The following CEP126 variants were observed in gnomAD, a reference collection of about 807,000 sequenced individuals.
CEP126 encodes the protein centrosomal protein 126.
CEP126 carries 74 observed loss-of-function variants against 107.8 expected under a neutral mutation model. The observed-to-expected ratio is 0.69, with a 90% CI of 0.57 to 0.83. The LOEUF is 0.83. Among genes scored for constraint, CEP126 ranks in the 40% least tolerant of loss-of-function variants. CEP126 has a pLI of 0.00. For synonymous variants in CEP126, 449 were observed against 446.0 expected (o/e 1.01, Z -0.08); for missense variants, 1,237 against 1,281.9 (o/e 0.96, Z 0.53).
intron 2 of CEP126, among the ~76,000 whole-genome samples, chr11:101,927,187 A>C (rs1341233784): frequency 6.6e-6 from 1 of 152,180 alleles, no homozygotes; most frequent in Non-Finnish European, 1.5e-5. Context: ...CTGTAATCCC[A>C]GCTATTCAGG....
chr11:101,934,299 T>TAATG (rs1285053370), intron 2 of CEP126, among the ~76,000 whole-genome samples: 1 of 152,086 alleles, frequency 6.6e-6, no homozygotes, highest in African/African-American at 2.4e-5. Context: ...TCATCCAACC[T>TAATG]AATGGTCTGT....
chr11:101,968,600 A>G (rs1164111677), intron 6 of CEP126, among the ~76,000 whole-genome samples: 1 of 152,224 alleles, frequency 6.6e-6, no homozygotes, highest in East Asian at 1.9e-4. Context: ...ATGAAATAAT[A>G]TGCCTGGAAA....
intron 2 of CEP126, among the ~76,000 whole-genome samples, chr11:101,929,518 G>A (rs964359450): frequency 6.6e-6 from 1 of 152,016 alleles, no homozygotes; most frequent in Non-Finnish European, 1.5e-5. Context: ...AGCTTCTCAC[G>A]TGGTCTCCAT....
chr11:101,923,444 T>TA lies in CEP126; in HGVS notation c.248+684_248+685insA, dbSNP rs1433137351. On this transcript the variant is annotated intron_variant, in intron 2 of 10. Transcript: ENST00000263468. ...AGCAGTTATGCCATTTTTTAATTGT[T>TA]GTTTTTGCTACCTTGTCCATATTTC... is the stretch of plus-strand genomic sequence containing the variant. 2.6e-5 allele frequency among the ~76,000 whole-genome samples: 4 copies of TA among 152,332 alleles called. No individual in the cohort carries two copies. The East Asian group carries it at 7.7e-4, about 29-fold the overall frequency.
At chr11:101,944,611 T>C (rs1940711538) in intron 3 of CEP126, among the ~76,000 whole-genome samples, 1 of 152,204 alleles carries the variant, frequency 6.6e-6, no homozygotes, top group Non-Finnish European at 1.5e-5. Flanking sequence ...GCACTATTAC[T>C]AAATTCTGAA....
intron 7 of CEP126, among the ~76,000 whole-genome samples, chr11:101,980,317 AT>A (rs1459983325): frequency 2.0e-5 from 3 of 152,018 alleles, no homozygotes; most frequent in African/African-American, 7.2e-5. Flanking sequence ...TTTTTTCCTT[AT>A]TTTCATTAAT....
chr11:101,949,160 T>C (rs1394030072), intron 4 of CEP126, among the ~76,000 whole-genome samples: 1 of 152,176 alleles, frequency 6.6e-6, no homozygotes, highest in Middle Eastern at 3.2e-3. Flanking sequence ...TGATATACTC[T>C]AGGAGTAAGA....
intron 6 of CEP126, among the ~76,000 whole-genome samples, chr11:101,964,127 G>T (rs969770742): frequency 1.1e-4 from 17 of 150,134 alleles, no homozygotes; most frequent in African/African-American, 4.2e-4. Context: ...CTAACATAGC[G>T]AAATCCCATC....
rs998366339 is a variant in CEP126, at chr11:101,999,034, A to G, written c.*1391A>G. 2 of 152,320 alleles carry G rather than the reference A, an allele frequency of 1.3e-5. No homozygotes were observed. The highest frequency in any genetic ancestry group is 1.9e-4 in the East Asian group (1 of 5,192). 9.4% of individuals were successfully genotyped at this position (152,320 alleles called of 1,614,324 possible). A position where few individuals can be genotyped will look rare whatever the true frequency, so the allele number is the denominator to read the frequency against. ...AGAAATTAGTGAAAAAATTGACCTAATGAAGGAAACATTTGTGCTTTCCTA... is the reference window on the plus strand; with the variant it reads ...AGAAATTAGTGAAAAAATTGACCTAGTGAAGGAAACATTTGTGCTTTCCTA... On this transcript the variant is annotated 3_prime_UTR_variant, in exon 11 of 11. Coordinates refer to ENST00000263468, the MANE Select transcript of CEP126 (RefSeq NM_020802.4).
intron 10 of CEP126, among the ~76,000 whole-genome samples, chr11:101,995,927 G>A (rs1183601831): frequency 6.6e-6 from 1 of 152,156 alleles, no homozygotes; most frequent in East Asian, 1.9e-4. Flanking sequence ...AATACATCAT[G>A]AGCACAAAAT....
chr11:101,978,358 A>G lies in CEP126; in HGVS notation c.2857A>G (p.Met953Val). The G allele has an allele frequency of 6.2e-7, 1 of 1,611,600 alleles. No individual in the cohort carries two copies. The highest frequency in any genetic ancestry group is 1.1e-5 in the South Asian group (1 of 91,004). ...QNKRATGSTV[M>V]RRKRIAETKR... Reference sequence around the variant, plus strand: ...GGCATTTGTTTAAGGGTCTACTGTTATGAGAAGAAAACGAATTGCTGAAAC... The same window carrying G: ...GGCATTTGTTTAAGGGTCTACTGTTGTGAGAAGAAAACGAATTGCTGAAAC... The change falls in exon 7 of 11, where the codon ATG (methionine) becomes GTG (valine). Residue 953 changes from methionine to valine, a missense_variant. This residue lies in a region of CEP126 where 1,134 missense variants were observed against 1,150.5 expected (regional missense o/e 0.99). Coordinates refer to ENST00000263468, the MANE Select transcript of CEP126 (RefSeq NM_020802.4).
At chr11:101,948,341 A>G (rs1446427286) in intron 4 of CEP126, among the ~76,000 whole-genome samples, 199 bp downstream of exon 4, 1 of 152,154 alleles carries the variant, frequency 6.6e-6, no homozygotes, top group African/African-American at 2.4e-5. Context: ...GTTGTCTTAA[A>G]GTCCTTGGTA....
chr11:101,997,886 C>G lies in CEP126; in HGVS notation c.*243C>G. 1 of 489,448 alleles carries G rather than the reference C, an allele frequency of 2.0e-6. No individual in the cohort carries two copies. The highest frequency in any genetic ancestry group is 3.6e-6 in the Non-Finnish European group (1 of 274,096). 30.3% of individuals were successfully genotyped at this position (489,448 alleles called of 1,614,324 possible). A position where few individuals can be genotyped will look rare whatever the true frequency, so the allele number is the denominator to read the frequency against. On this transcript the variant is annotated 3_prime_UTR_variant, in exon 11 of 11. Coordinates refer to ENST00000263468, the MANE Select transcript of CEP126 (RefSeq NM_020802.4). ...ATGCCTGCCTAAACAAAAAGCAGGA[C>G]ATAACCTAGCTCTGAATACATGCCA...
intron 4 of CEP126, among the ~76,000 whole-genome samples, chr11:101,952,926 A>G (rs1005893835): frequency 1.3e-5 from 2 of 152,238 alleles, no homozygotes; most frequent in Non-Finnish European, 2.9e-5. Context: ...AAAACAGTGC[A>G]TGCCAACTAG....
chr11:101,991,971 G>T (rs1440808855), intron 9 of CEP126, among the ~76,000 whole-genome samples: 1 of 152,050 alleles, frequency 6.6e-6, no homozygotes, highest in Admixed American at 6.6e-5. Context: ...ACCTCTTTGG[G>T]TGAAGGAAGG....
rs193174031 is a variant in CEP126, at chr11:101,921,846, C to T, written c.129-795C>T. ...TGTTGCCCAGGCTGGAATGCAGTGG[C>T]GCAATCTCGGCTCACTGCAACCTCT... On this transcript the variant is annotated intron_variant, in intron 1 of 10. Transcript: ENST00000263468. 1.7e-3 allele frequency among the ~76,000 whole-genome samples: 199 copies of T among 115,538 alleles called. 1 individual carries two copies. Among genetic ancestry groups the T allele is most frequent in the African/African-American group, 6.7e-3 (195 of 29,286 alleles). 75.8% of individuals were successfully genotyped at this position (115,538 alleles called of 152,430 possible). A position where few individuals can be genotyped will look rare whatever the true frequency, so the allele number is the denominator to read the frequency against.
At chr11:101,971,884 G>A (rs1198927404) in intron 6 of CEP126, among the ~76,000 whole-genome samples, 2 of 152,142 alleles carry the variant, frequency 1.3e-5, no homozygotes, top group African/African-American at 4.8e-5. Context: ...CAAAGCAAGC[G>A]GATCACTTGA....
intron 6 of CEP126, among the ~76,000 whole-genome samples, chr11:101,964,161 G>A (rs139920422): frequency 9.9e-5 from 15 of 151,546 alleles, no homozygotes; most frequent in Non-Finnish European, 2.1e-4. Flanking sequence ...AAGTTAGCCC[G>A]GCATGGTGGT....
At chr11:101,925,005 T>C (rs1250638677) in intron 2 of CEP126, among the ~76,000 whole-genome samples, 2 of 152,182 alleles carry the variant, frequency 1.3e-5, no homozygotes, top group East Asian at 3.8e-4. Context: ...AGTTTTCCAT[T>C]CTCTCAGTCA....
Sources: allele counts gnomAD v4.1 joint callset (sites outside exome capture counted in the v4.1 genomes callset), GRCh38; gene constraint gnomAD v4.1.1; regional missense constraint gnomAD v4.1.1; transcripts MANE v1.5; gene names NCBI Gene and HGNC (gene_info 2026-07-23, HGNC 2026-07-21).